Variants in MX1 observed in about 807,000 individuals in gnomAD.
The protein encoded by MX1 is interferon-induced GTP-binding protein Mx1.
MX1 carries 66 observed loss-of-function variants against 66.4 expected under a neutral mutation model. The observed-to-expected ratio is 0.99, with a 90% confidence interval of 0.82 to 1.22. The LOEUF (loss-of-function observed/expected upper bound fraction) is 1.22. Among genes scored for constraint, MX1 ranks in the 50% most tolerant of loss-of-function variants. The pLI is 0.00. For synonymous variants in MX1, 311 were observed against 318.1 expected (o/e 0.98, Z 0.24); for missense variants, 787 against 834.3 (o/e 0.94, Z 0.70).
upstream of MX1, chr21:41,423,412 C>T (rs367545299): frequency 7.2e-5 from 11 of 152,248 alleles, no homozygotes; most frequent in African/African-American, 2.7e-4. Flanking sequence ...ATTGCTGGGT[C>T]GAATGCCTGG....
At chr21:41,448,933 TG>T (rs2090745102) in intron 13 of MX1, among the ~76,000 whole-genome samples, 17 of 346 alleles carry the variant, frequency 0.049, no homozygotes, top group South Asian at 0.35. Context: ...TCTGGTTTTG[TG>T]TGTGTGTGTG....
chr21:41,448,656 A>T (rs76777970), intron 13 of MX1, among the ~76,000 whole-genome samples: 25 of 152,196 alleles, frequency 1.6e-4, no homozygotes, highest in African/African-American at 5.5e-4. Flanking sequence ...ATACAAAAAA[A>T]TTAGCCGGGC....
chr21:41,458,948 C>A lies in MX1; in HGVS notation c.*190C>A. On this transcript the variant is annotated 3_prime_UTR_variant, in exon 17 of 17. Coordinates refer to ENST00000398598, the MANE Select transcript of MX1 (RefSeq NM_002462.5). ...TTTCTAGCATGAAGACAGAGCCCCA[C>A]CCTCAGATGCACATGAGCTGGCGGG... The A allele has an allele frequency of 3.1e-6, 3 of 980,952 alleles. No individual in the cohort carries two copies. Among genetic ancestry groups the A allele is most frequent in the Non-Finnish European group, 4.4e-6 (3 of 687,740 alleles). 60.8% of individuals were successfully genotyped at this position (980,952 alleles called of 1,614,324 possible).
At chr21:41,438,409 G>A (rs1277455583) in intron 7 of MX1, among the ~76,000 whole-genome samples, 2 of 152,190 alleles carry the variant, frequency 1.3e-5, no homozygotes, top group African/African-American at 4.8e-5. Flanking sequence ...GGCTAGCTGG[G>A]CTGGGGCTGA....
rs57863028 is a variant in MX1 at position 41,442,038 on chromosome 21, T to TGC, written c.929+128_929+129dup. 4.9e-6 allele frequency: 4 copies of TGC among 824,544 alleles called. No individual in the cohort carries two copies. In the African/African-American group the frequency reaches 5.0e-5, roughly 10 times the overall value. The allele number at this position is 824,544 out of a possible 1,614,324, so 51.1% of individuals were successfully genotyped here. On this transcript the variant is annotated intron_variant, in intron 10 of 16. Coordinates refer to ENST00000398598, the MANE Select transcript of MX1 (RefSeq NM_002462.5). ...GTGTGTGTGTGTGCGTGTGTGTGTG[T>TGC]GCGCGTGTGTGTGTGACTATGCTTG...
At position 41,458,790 on chromosome 21, in the gene MX1, G is replaced by A. The variant is rs1397024802; in HGVS notation, c.*32G>A. 10 of 1,593,876 alleles carry A rather than the reference G, an allele frequency of 6.3e-6. No individual in the cohort carries two copies. The highest frequency in any genetic ancestry group is 8.5e-6 in the Non-Finnish European group (10 of 1,172,250). On this transcript the variant is annotated 3_prime_UTR_variant, in exon 17 of 17. Transcript: ENST00000398598. Reference sequence around the variant, plus strand: ...TCTGTCCAGCCCCGTAGACGTGCACGCACACTGTCTGCCCCCGTTCCCGGG... The same window carrying A: ...TCTGTCCAGCCCCGTAGACGTGCACACACACTGTCTGCCCCCGTTCCCGGG...
At chr21:41,424,851 A>G (rs1451985554), upstream of MX1, among the ~76,000 whole-genome samples, 3 of 152,260 alleles carry the variant, frequency 2.0e-5, no homozygotes, top group African/African-American at 7.2e-5. Context: ...GAAAGCAGCT[A>G]GCTTATATGT....
At chr21:41,425,479 CT>C (rs1323339542), upstream of MX1, among the ~76,000 whole-genome samples, 1 of 152,116 alleles carries the variant, frequency 6.6e-6, no homozygotes, top group African/African-American at 2.4e-5. Context: ...GTTTTTACTT[CT>C]TTTGTGGATC....
chr21:41,421,683 T>A (rs1464116311), upstream of MX1, among the ~76,000 whole-genome samples: 3 of 152,160 alleles, frequency 2.0e-5, no homozygotes. Flanking sequence ...ACAGCACATG[T>A]TTCAGAGAGC....
Position 41,441,591 on chromosome 21 carries a change from G to A in MX1, c.731-125G>A. On this transcript the variant is annotated intron_variant, in intron 9 of 16. Transcript: ENST00000398598. The surrounding 1 kb of genome is among the most constrained non-coding windows in gnomAD (Gnocchi z 4.0). ...TCCACTGCCCCCATGGTTCTGCAGG[G>A]GCTATGGCCTGTCCTCAAGCAAGGA... is the stretch of plus-strand genomic sequence containing the variant. 1 of 963,020 alleles carries A rather than the reference G, an allele frequency of 1.0e-6. No homozygotes were observed. Among genetic ancestry groups the A allele is most frequent in the Non-Finnish European group, 1.7e-6 (1 of 605,036 alleles). The allele number at this position is 963,020 out of a possible 1,614,324, so 59.7% of individuals were successfully genotyped here. A position where few individuals can be genotyped will look rare whatever the true frequency, so the allele number is the denominator to read the frequency against.
chr21:41,444,318 CTTTTTTTTTTTTTTT>C (rs11317486), intron 11 of MX1, among the ~76,000 whole-genome samples: 1 of 71,538 alleles, frequency 1.4e-5, no homozygotes, highest in Non-Finnish European at 2.4e-5. Flanking sequence ...TCTTTTCTTT[CTTTTTTTTTTTTTTT>C]TTTTTTTTTT....
chr21:41,442,123 G>A (rs2090539078), intron 10 of MX1, among the ~76,000 whole-genome samples: 2 of 150,952 alleles, frequency 1.3e-5, no homozygotes, highest in Non-Finnish European at 2.9e-5. Context: ...ACAAAATACT[G>A]CCAAGAAAAA....
At chr21:41,430,203 TAAC>T (rs1420232760) in intron 3 of MX1, among the ~76,000 whole-genome samples, 1 of 151,894 alleles carries the variant, frequency 6.6e-6, no homozygotes, top group Non-Finnish European at 1.5e-5. Flanking sequence ...AGTTTTGTTT[TAAC>T]AACCTGTCCC....
chr21:41,430,264 T>C (rs940128904), intron 3 of MX1, among the ~76,000 whole-genome samples: 1 of 152,098 alleles, frequency 6.6e-6, no homozygotes, highest in Non-Finnish European at 1.5e-5. Flanking sequence ...TCGGGGGAGA[T>C]TCCTGCGAGG....
At chr21:41,445,378 GC>G in intron 11 of MX1, 69 bp from the exon 12 acceptor site, 3 of 1,577,216 alleles carry the variant, frequency 1.9e-6, no homozygotes, top group Non-Finnish European at 2.6e-6. Context: ...GCAGAGGGAG[GC>G]CCGGGACCTC....
At chr21:41,425,248 TA>T (rs1166068110), upstream of MX1, among the ~76,000 whole-genome samples, 7 of 152,070 alleles carry the variant, frequency 4.6e-5, no homozygotes, top group South Asian at 2.1e-4. Context: ...CGAAGGGAGA[TA>T]GGGGTGGGGC....
chr21:41,433,290 C>T (rs1382419889), intron 5 of MX1, among the ~76,000 whole-genome samples: 1 of 152,240 alleles, frequency 6.6e-6, no homozygotes, highest in African/African-American at 2.4e-5. Context: ...ACCAGGCTCT[C>T]CAGGTGATTC....
chr21:41,446,092 A>T lies in MX1; in HGVS notation c.1224A>T (p.Arg408=), dbSNP rs746070172. 4 of 1,614,098 alleles carry T rather than the reference A, an allele frequency of 2.5e-6. No individual in the cohort carries two copies. In the African/African-American group the frequency reaches 5.3e-5, roughly 22 times the overall value. ...EEDIRLFTRL[R]HEFHKWSTII... is the part of the protein sequence containing the mutation. ...ACATTCGGCTGTTTACCAGACTCCG[A>T]CACGAGTTCCACAAATGGAGTACAA... The change falls in exon 13 of 17, where the codon CGA becomes CGT. Residue 408 remains arginine (R), a synonymous_variant. Coordinates refer to ENST00000398598, the MANE Select transcript of MX1 (RefSeq NM_002462.5).
chr21:41,444,318 CTTTTTTTTTTTTTT>C, intron 11 of MX1, among the ~76,000 whole-genome samples: 1 of 71,538 alleles, frequency 1.4e-5, no homozygotes, highest in East Asian at 4.4e-4. Context: ...TCTTTTCTTT[CTTTTTTTTTTTTTT>C]TTTTTTTTTT....
Sources: allele counts gnomAD v4.1 joint callset (sites outside exome capture counted in the v4.1 genomes callset), GRCh38; gene constraint gnomAD v4.1.1; non-coding constraint Gnocchi (gnomAD v3.1); transcripts MANE v1.5; gene names NCBI Gene and HGNC (gene_info 2026-07-23, HGNC 2026-07-21).